The following RAB27A variants were observed in gnomAD, a reference collection of about 807,000 sequenced individuals.
RAB27A encodes the protein RAB27A, member RAS oncogene family.
Under a neutral mutation model 20.8 loss-of-function variants are expected in RAB27A, and 17 were observed. The observed-to-expected ratio is 0.82, with a 90% CI of 0.56 to 1.23. The LOEUF (loss-of-function observed/expected upper bound fraction) is 1.23, where lower values mean the gene tolerates loss of function less well. Among genes scored for constraint, RAB27A ranks in the 50% most tolerant of loss-of-function variants. The probability of loss-of-function intolerance (pLI) is 0.00; values close to 1 mark genes in which losing one functional copy is unlikely to be tolerated. For missense variants in RAB27A, 277 were observed against 266.7 expected, an observed-to-expected ratio of 1.04 and a Z score of -0.27; for synonymous variants, 85 against 92.8, an observed-to-expected ratio of 0.92 and a Z score of 0.48.
rs1323839207 is a variant in RAB27A at position 55,223,892 on chromosome 15, T to C, written c.464A>G (p.Tyr155Cys). The C allele has an allele frequency of 1.9e-6, 3 of 1,613,560 alleles. No homozygotes were observed. The highest frequency in any genetic ancestry group is 1.7e-6 in the Non-Finnish European group (2 of 1,179,830). The part of the protein sequence containing the change: ...EEEAIALAEK[Y>C]GIPYFETSAA... ...ACTTCTCCACAAAAATACTCACCCA[T>C]ATTTCTCTGCGAGTGCTATGGCTTC... Residue 155 changes from tyrosine to cysteine, a missense_variant, in exon 6 of 7, where the codon TAT (tyrosine) becomes TGT (cysteine). By Grantham distance (194) the Tyr-to-Cys change is radical. Transcript: ENST00000336787.
intron 1 of RAB27A, among the ~76,000 whole-genome samples, chr15:55,275,129 G>A (rs912625201): frequency 6.6e-6 from 1 of 151,586 alleles, no homozygotes; most frequent in African/African-American, 2.4e-5. Context: ...GTGCACACCT[G>A]TAATCCCAGC....
intron 2 of RAB27A, among the ~76,000 whole-genome samples, chr15:55,295,359 G>A (rs980761215): frequency 2.6e-4 from 40 of 152,252 alleles, no homozygotes; most frequent in African/African-American, 9.1e-4. Flanking sequence ...ATGCCTAAAA[G>A]AACTGAAAAC....
intron 1 of RAB27A, among the ~76,000 whole-genome samples, chr15:55,278,589 T>A (rs1485420338): frequency 6.6e-6 from 1 of 151,944 alleles, no homozygotes. Context: ...TTCACGCCAT[T>A]CGCCTGCCTC....
chr15:55,239,937 T>C (rs192963186), intron 2 of RAB27A, among the ~76,000 whole-genome samples: 1 of 152,222 alleles, frequency 6.6e-6, no homozygotes, highest in East Asian at 1.9e-4. Context: ...GTTAGTGGAA[T>C]TACCCCATCT....
intron 2 of RAB27A, among the ~76,000 whole-genome samples, chr15:55,305,523 G>A (rs2054993084): frequency 6.6e-6 from 1 of 152,218 alleles, no homozygotes; most frequent in Non-Finnish European, 1.5e-5. Flanking sequence ...CAATATTATA[G>A]CTGCTAGAGG....
rs530940947 is a variant in RAB27A, at chr15:55,253,432, G to A, written c.-23+16733C>T. Among the ~76,000 whole-genome samples the A allele has an allele frequency of 1.3e-4, 19 of 150,346 alleles. No homozygotes were observed. The South Asian group carries it at 4.1e-3, about 32-fold the overall frequency. ...ACCGCACTCCAGCCTGGGTGACAGA[G>A]CGAGACTCCGTCTCAAAGGAAAAAA... On this transcript the variant is annotated intron_variant, in intron 2 of 6. Coordinates refer to ENST00000336787, the MANE Select transcript of RAB27A (RefSeq NM_183235.3).
chr15:55,259,734 C>T (rs539996293), intron 2 of RAB27A, among the ~76,000 whole-genome samples: 3 of 152,078 alleles, frequency 2.0e-5, no homozygotes, highest in Admixed American at 6.5e-5. Flanking sequence ...TATATACAAT[C>T]GTCATAGCAC....
At chr15:55,304,886 G>T (rs1327722249) in intron 2 of RAB27A, among the ~76,000 whole-genome samples, 9 of 151,962 alleles carry the variant, frequency 5.9e-5, no homozygotes, top group African/African-American at 1.9e-4. Context: ...TGTTTTTGCA[G>T]TTGCAAGATT....
upstream of RAB27A, among the ~76,000 whole-genome samples, chr15:55,291,287 G>A (rs922056648): frequency 5.3e-5 from 8 of 152,250 alleles, no homozygotes; most frequent in African/African-American, 1.9e-4. Context: ...GAGGCCGGCA[G>A]ATCACGAAGT....
chr15:55,209,895 T>TATACGTATAC lies in RAB27A; in HGVS notation c.468-4191_468-4190insGTATACGTAT, dbSNP rs1566896380. Among the ~76,000 whole-genome samples the TATACGTATAC allele has an allele frequency of 1.7e-3, 198 of 115,504 alleles. 24 individuals carry two copies. The highest frequency in any genetic ancestry group is 9.0e-3 in the African/African-American group (164 of 18,208). The allele number at this position is 115,504 out of a possible 152,430, so 75.8% of individuals were successfully genotyped here. On this transcript the variant is annotated intron_variant, in intron 6 of 6. Transcript: ENST00000336787. ...ACATATATGTGTGTGTATACATATA[T>TATACGTATAC]ACACATATGTGTGTGTATGTATATA...
rs141523535 is a variant in RAB27A, at chr15:55,253,910, T to C, written c.-23+16255A>G. 6.7e-3 allele frequency among the ~76,000 whole-genome samples: 1,021 copies of C among 152,320 alleles called. 18 individuals carry two copies. Among genetic ancestry groups the C allele is most frequent in the African/African-American group, 0.023 (974 of 41,570 alleles). On this transcript the variant is annotated intron_variant, in intron 2 of 6. Coordinates refer to ENST00000336787, the MANE Select transcript of RAB27A (RefSeq NM_183235.3). ...ATGAAGATGTAAGTATCCACGTGTTTATAACATGGATAATTGATAAGTAAT... is the reference window on the plus strand; with the variant it reads ...ATGAAGATGTAAGTATCCACGTGTTCATAACATGGATAATTGATAAGTAAT...
chr15:55,271,168 T>C (rs1398015789), intron 1 of RAB27A, among the ~76,000 whole-genome samples: 1 of 152,156 alleles, frequency 6.6e-6, no homozygotes, highest in Non-Finnish European at 1.5e-5. Context: ...TGAGAGTCCA[T>C]CACTCTCCTG....
intron 2 of RAB27A, among the ~76,000 whole-genome samples, chr15:55,296,325 G>A (rs144213158): frequency 0.031 from 4,641 of 151,726 alleles, 241 homozygotes; most frequent in African/African-American, 0.11. Context: ...GTGAAAACCC[G>A]TCTCTACTAA....
intron 1 of RAB27A, among the ~76,000 whole-genome samples, chr15:55,282,656 A>G (rs1449198627): frequency 6.6e-6 from 1 of 152,132 alleles, no homozygotes; most frequent in Non-Finnish European, 1.5e-5. Context: ...TGAGAACCCA[A>G]GTCCCTGTGT....
Position 55,277,443 on chromosome 15 carries a change from G to A in RAB27A, c.-142-7159C>T, listed in dbSNP as rs546756857. On this transcript the variant is annotated intron_variant, in intron 1 of 6. Transcript: ENST00000336787. The stretch of plus-strand genomic sequence containing the variant: ...AGGTCACTTGAGGCCAGGAGTTCGA[G>A]ACCAGCCTGTTTGTCTCCATAATAA... Among the ~76,000 whole-genome samples, 28 of 152,300 alleles carry A rather than the reference G, an allele frequency of 1.8e-4. No homozygotes were observed. In the South Asian group the frequency reaches 4.6e-3, roughly 25 times the overall value.
At chr15:55,312,722 A>C (rs941338989) in intron 2 of RAB27A, among the ~76,000 whole-genome samples, 1 of 152,014 alleles carries the variant, frequency 6.6e-6, no homozygotes, top group African/African-American at 2.4e-5. Context: ...CAAAAGGGGG[A>C]TCAAAAGCAG....
At chr15:55,303,668 C>T (rs1412390094) in intron 2 of RAB27A, among the ~76,000 whole-genome samples, 1 of 113,704 alleles carries the variant, frequency 8.8e-6, no homozygotes, top group Non-Finnish European at 1.8e-5. Context: ...TGGGGGGGGT[C>T]AGCCCCCCTG....
intron 6 of RAB27A, among the ~76,000 whole-genome samples, chr15:55,208,136 C>T (rs1159188648): frequency 1.3e-5 from 2 of 152,088 alleles, no homozygotes; most frequent in African/African-American, 4.8e-5. Flanking sequence ...TCAATAAGCG[C>T]ATGAATAGTG....
At chr15:55,266,900 G>C (rs935604522) in intron 2 of RAB27A, among the ~76,000 whole-genome samples, 2 of 152,148 alleles carry the variant, frequency 1.3e-5, no homozygotes, top group Non-Finnish European at 2.9e-5. Flanking sequence ...AACAGACCTA[G>C]GGCTCACAAG....
Sources: allele counts gnomAD v4.1 joint callset (sites outside exome capture counted in the v4.1 genomes callset), GRCh38; gene constraint gnomAD v4.1.1; transcripts MANE v1.5; gene names NCBI Gene and HGNC (gene_info 2026-07-23, HGNC 2026-07-21).